GLYR1: variants seen among roughly 807,000 people sequenced by gnomAD.
GLYR1 encodes glyoxylate reductase 1 homolog.
Under a neutral mutation model 72.7 loss-of-function variants are expected in GLYR1, and 21 were observed. That is an observed-to-expected ratio of 0.29 (90% CI 0.20 to 0.42). GLYR1 has a LOEUF of 0.42. GLYR1 is among the 10% of genes least tolerant of loss of function. GLYR1 has a pLI of 1.00. For synonymous variants in GLYR1, 392 were observed against 270.2 expected (o/e 1.45, Z -4.42); for missense variants, 594 against 712.1 (o/e 0.83, Z 1.89).
chr16:4,829,106 G>A (rs1168731197), intron 5 of GLYR1, among the ~76,000 whole-genome samples: 2 of 151,868 alleles, frequency 1.3e-5, no homozygotes, highest in Non-Finnish European at 2.9e-5. Flanking sequence ...CAAACCTTGG[G>A]CTGACGGTAT....
At chr16:4,843,545 A>T in intron 3 of GLYR1, 1 of 1,289,084 alleles carries the variant, frequency 7.8e-7, no homozygotes, top group Non-Finnish European at 1.0e-6. Flanking sequence ...TCTCCTTGAA[A>T]TACTGCCACC....
chr16:4,826,074 T>C (rs150089826), intron 5 of GLYR1, among the ~76,000 whole-genome samples: 64 of 152,022 alleles, frequency 4.2e-4, no homozygotes, highest in African/African-American at 1.2e-3. Context: ...TTTGGAGGCA[T>C]AGTCTAGCTG....
At chr16:4,841,386 C>T (rs1372586426) in intron 3 of GLYR1, among the ~76,000 whole-genome samples, 1 of 127,874 alleles carries the variant, frequency 7.8e-6, no homozygotes, top group African/African-American at 3.0e-5. Context: ...TTCGGGAGGC[C>T]GAGGTGGGAG....
At chr16:4,805,471 T>C (rs931533591) in intron 15 of GLYR1, among the ~76,000 whole-genome samples, 161 bp from the exon 16 acceptor site, 2 of 152,200 alleles carry the variant, frequency 1.3e-5, no homozygotes, top group African/African-American at 4.8e-5. Context: ...CACCTCCGTT[T>C]CTCTGGACCT....
chr16:4,815,776 A>C (rs1159669291), intron 10 of GLYR1, among the ~76,000 whole-genome samples: 3 of 152,182 alleles, frequency 2.0e-5, no homozygotes, highest in Admixed American at 2.0e-4. Context: ...CAGTCAAAAA[A>C]GGCAACTGTT....
chr16:4,817,554 C>T (rs760774455), intron 10 of GLYR1, 44 bp downstream of exon 10: 17 of 1,211,656 alleles, frequency 1.4e-5, no homozygotes, highest in Non-Finnish European at 1.7e-5. Context: ...TTAGGGTTAC[C>T]CCAGACTCCA....
intron 3 of GLYR1, among the ~76,000 whole-genome samples, chr16:4,837,972 T>TAAAG (rs979613819): frequency 7.0e-6 from 1 of 142,164 alleles, no homozygotes; most frequent in African/African-American, 2.7e-5. Flanking sequence ...AATAAATAAA[T>TAAAG]AAAGATAAGA....
chr16:4,843,436 T>A, intron 3 of GLYR1: 1 of 1,207,008 alleles, frequency 8.3e-7, no homozygotes, highest in Non-Finnish European at 1.1e-6. Flanking sequence ...ATTGCAGGCC[T>A]GAGGCACCAT....
chr16:4,818,508 C>G (rs2083796222), intron 9 of GLYR1, among the ~76,000 whole-genome samples: 2 of 152,152 alleles, frequency 1.3e-5, no homozygotes, highest in East Asian at 3.9e-4. Flanking sequence ...GTCTTGGACT[C>G]CTGGGCTTAA....
In GLYR1 at chr16:4,846,189, A is replaced by C; in HGVS notation, c.60T>G (p.Pro20=). ...AGACACTCACCTTTCCTGGCCAAGG[A>C]GGATATCGGCCGAGTTTCCCCCTAG... ...DLVWGKLGRY[P]PWPGKIVNPP... Residue 20 remains proline (P), a synonymous_variant, in exon 2 of 16, where the codon CCT becomes CCG. Transcript: ENST00000321919. The C allele has an allele frequency of 6.2e-7, 1 of 1,613,950 alleles. No individual in the cohort carries two copies. Among genetic ancestry groups the C allele is most frequent in the Non-Finnish European group, 8.5e-7 (1 of 1,179,884 alleles).
intron 3 of GLYR1, among the ~76,000 whole-genome samples, chr16:4,834,295 C>CAT (rs2084984732): frequency 8.4e-6 from 1 of 118,348 alleles, no homozygotes; most frequent in Non-Finnish European, 1.7e-5. Flanking sequence ...AGGCAAATTC[C>CAT]TTTTTTTTTT....
intron 3 of GLYR1, chr16:4,843,736 A>G (rs2142053693): frequency 1.1e-6 from 1 of 932,600 alleles, no homozygotes; most frequent in South Asian, 1.6e-5. Flanking sequence ...GAAGCCACAG[A>G]CATTTTTTTC....
intron 5 of GLYR1, among the ~76,000 whole-genome samples, chr16:4,828,844 G>A (rs2084600464): frequency 1.3e-5 from 2 of 152,002 alleles, no homozygotes; most frequent in African/African-American, 2.4e-5. Context: ...CCAGGCCCTC[G>A]TCATAACCTC....
intron 6 of GLYR1, 30 bp downstream of exon 6, chr16:4,823,791 G>C: frequency 6.4e-7 from 1 of 1,571,254 alleles, no homozygotes; most frequent in Non-Finnish European, 8.7e-7. Context: ...CTAAGCCACA[G>C]CTTGTCCTGC....
chr16:4,823,558 TA>T (rs961721238), intron 6 of GLYR1, among the ~76,000 whole-genome samples: 10 of 151,594 alleles, frequency 6.6e-5, no homozygotes, highest in Admixed American at 5.9e-4. Flanking sequence ...CTGCCCAAAA[TA>T]AAAAAAACTA....
At chr16:4,843,482 C>G in intron 3 of GLYR1, 1 of 1,274,190 alleles carries the variant, frequency 7.8e-7, no homozygotes, top group African/African-American at 1.5e-5. Context: ...CCATGGAGTT[C>G]TAAGAACATT....
Position 4,822,893 on chromosome 16 carries a change from C to G in GLYR1, c.663G>C (p.Leu221=). The change falls in exon 7 of 16, where the codon CTG becomes CTC. Residue 221 remains leucine (L), a synonymous_variant. Coordinates refer to ENST00000321919, the MANE Select transcript of GLYR1 (RefSeq NM_032569.4). The part of the protein sequence containing the change: ...KDADPHFHHF[L]LSQTEKPAVC... ...AACTCACCTTCTCTGTTTGGCTTAG[C>G]AGGAAATGATGGAAATGAGGATCTG... 1 of 1,614,166 alleles carries G rather than the reference C, an allele frequency of 6.2e-7. No individual in the cohort carries two copies. The highest frequency in any genetic ancestry group is 8.5e-7 in the Non-Finnish European group (1 of 1,180,014).
chr16:4,837,946 A>C (rs1012323810), intron 3 of GLYR1, among the ~76,000 whole-genome samples: 1 of 150,292 alleles, frequency 6.7e-6, no homozygotes, highest in Non-Finnish European at 1.5e-5. Flanking sequence ...TAAATAAATA[A>C]ATAAATAAAT....
chr16:4,812,963 A>G (rs1596315096), intron 12 of GLYR1, among the ~76,000 whole-genome samples: 1 of 98,462 alleles, frequency 1.0e-5, no homozygotes, highest in Admixed American at 1.0e-4. Context: ...TGCCTGGCTA[A>G]TTTTTTTTTT....
Sources: gnomAD v4.1 joint callset for allele counts (sites outside exome capture counted in the v4.1 genomes callset) on GRCh38, gnomAD v4.1.1 for gene constraint, MANE v1.5 for transcripts, NCBI Gene and HGNC (gene_info 2026-07-23, HGNC 2026-07-21) for gene names.